AUTS2: variants seen among roughly 807,000 people sequenced by gnomAD.
The protein encoded by AUTS2 is autism susceptibility gene 2 protein.
A neutral mutation model predicts 112.4 loss-of-function variants in AUTS2; 17 were observed. That is an observed-to-expected ratio of 0.15 (90% CI 0.10 to 0.23). The LOEUF (loss-of-function observed/expected upper bound fraction) is 0.23. Ranked by LOEUF, AUTS2 falls within the 10% of genes least tolerant of loss-of-function variation. The probability of loss-of-function intolerance (pLI) is 1.00; values close to 1 mark genes in which losing one functional copy is unlikely to be tolerated. For synonymous variants in AUTS2, 751 were observed against 702.7 expected, an observed-to-expected ratio of 1.07 and a Z score of -1.09; for missense variants, 1,510 against 1,701.6, an observed-to-expected ratio of 0.89 and a Z score of 1.98.
rs7804419 is a variant in AUTS2, at chr7:70,776,308, T to A, written c.1933-795T>A. ...GGTAGATTACTTAGCAGAAATGAAG[T>A]GAAAAGGTGGTCCCTGCCCGCTGAC... On this transcript the variant is annotated intron_variant, in intron 13 of 18. Coordinates refer to ENST00000342771, the MANE Select transcript of AUTS2 (RefSeq NM_015570.4). Among the ~76,000 whole-genome samples the A allele has an allele frequency of 7.5e-3, 1,136 of 152,164 alleles. 12 individuals are homozygous for A. Among genetic ancestry groups the A allele is most frequent in the African/African-American group, 0.025 (1,051 of 41,518 alleles).
chr7:69,851,809 A>C (rs1436613049), intron 1 of AUTS2, among the ~76,000 whole-genome samples: 1 of 152,222 alleles, frequency 6.6e-6, no homozygotes, highest in Non-Finnish European at 1.5e-5. Context: ...TAGTATATTG[A>C]AATACAATTT....
intron 4 of AUTS2, among the ~76,000 whole-genome samples, chr7:70,369,802 G>A (rs915044732): frequency 3.3e-5 from 5 of 152,116 alleles, no homozygotes; most frequent in African/African-American, 1.2e-4. Flanking sequence ...AATAATCCAG[G>A]TATCTTCTCC....
chr7:70,148,609 T>G (rs974126668), intron 4 of AUTS2, among the ~76,000 whole-genome samples: 6 of 151,948 alleles, frequency 3.9e-5, no homozygotes, highest in African/African-American at 1.4e-4. Flanking sequence ...CTTAATTATT[T>G]TAAGTACCTG....
intron 1 of AUTS2, among the ~76,000 whole-genome samples, chr7:69,840,945 T>C (rs1221595305): frequency 6.6e-6 from 1 of 152,178 alleles, no homozygotes; most frequent in African/African-American, 2.4e-5. Context: ...GTTGAAAGCA[T>C]GTTGGGGAAC....
intron 1 of AUTS2, among the ~76,000 whole-genome samples, chr7:69,736,449 A>G (rs1214379004): frequency 6.6e-6 from 1 of 152,196 alleles, no homozygotes; most frequent in East Asian, 1.9e-4. Flanking sequence ...TATGGCCTAG[A>G]TTAATTGGGA....
At chr7:70,663,556 C>T (rs901828556) in intron 5 of AUTS2, among the ~76,000 whole-genome samples, 2 of 151,790 alleles carry the variant, frequency 1.3e-5, no homozygotes, top group Non-Finnish European at 2.9e-5. Flanking sequence ...TTAGGGACCC[C>T]GTTCTTTTCA....
chr7:70,390,244 C>G (rs1793793250), intron 4 of AUTS2, among the ~76,000 whole-genome samples: 2 of 152,186 alleles, frequency 1.3e-5, no homozygotes, highest in Non-Finnish European at 2.9e-5. Context: ...TCCGAATCCT[C>G]TGGTGGGCTT....
intron 4 of AUTS2, among the ~76,000 whole-genome samples, chr7:70,350,567 G>A (rs10280622): frequency 0.31 from 46,571 of 151,872 alleles, 7,745 homozygotes; most frequent in African/African-American, 0.44. Flanking sequence ...TATCACGAGA[G>A]CAGCACAGGA....
chr7:70,741,249 A>G (rs2129554117), intron 6 of AUTS2, among the ~76,000 whole-genome samples: 1 of 152,178 alleles, frequency 6.6e-6, no homozygotes, highest in African/African-American at 2.4e-5. Context: ...GTTTCCTTAA[A>G]ATCACCATGC....
intron 2 of AUTS2, among the ~76,000 whole-genome samples, chr7:70,108,806 A>T (rs975638559): frequency 7.3e-6 from 1 of 136,110 alleles, no homozygotes; most frequent in Admixed American, 7.6e-5. Context: ...AAAAAAAAAA[A>T]AAAAAAAATA....
chr7:70,054,882 T>C (rs979220546), intron 2 of AUTS2, among the ~76,000 whole-genome samples: 2 of 152,214 alleles, frequency 1.3e-5, no homozygotes, highest in African/African-American at 4.8e-5. Flanking sequence ...AGGAACTCTG[T>C]AATTCCAATC....
chr7:70,247,411 G>T (rs970594288), intron 4 of AUTS2, among the ~76,000 whole-genome samples: 2 of 152,066 alleles, frequency 1.3e-5, no homozygotes, highest in Non-Finnish European at 2.9e-5. Context: ...GTTTCAGTTT[G>T]GGAAGATGAA....
chr7:69,997,966 G>A (rs1799021867), intron 2 of AUTS2, among the ~76,000 whole-genome samples: 1 of 152,170 alleles, frequency 6.6e-6, no homozygotes, highest in Non-Finnish European at 1.5e-5. Context: ...GAATGCATTG[G>A]AAAGCAGGAG....
rs769318014 is a variant in AUTS2, at chr7:70,117,108, TTTTTTTTTG to T, written c.523-1015_523-1007del. On this transcript the variant is annotated intron_variant, in intron 2 of 18. Coordinates refer to ENST00000342771, the MANE Select transcript of AUTS2 (RefSeq NM_015570.4). Reference sequence around the variant, plus strand: ...AAACTTCATGAGATGACTTTTGTTTTTTTTTTTTGTTTTTTTTTGTTTTTTTTTGTTTTT... The same window carrying T: ...AAACTTCATGAGATGACTTTTGTTTTTTTTTTTTTGTTTTTTTTTGTTTTT... Among the ~76,000 whole-genome samples, 25 of 113,698 alleles carry T rather than the reference TTTTTTTTTG, an allele frequency of 2.2e-4. 1 individual carries two copies. The highest frequency in any genetic ancestry group is 4.0e-4 in the African/African-American group (11 of 27,224). 74.6% of individuals were successfully genotyped at this position (113,698 alleles called of 152,430 possible).
intron 1 of AUTS2, among the ~76,000 whole-genome samples, chr7:69,855,572 A>G (rs774164759): frequency 1.5e-4 from 23 of 152,180 alleles, no homozygotes; most frequent in Non-Finnish European, 2.2e-4. Flanking sequence ...AGTTTTCTCA[A>G]CTCAAGAGAG....
At chr7:69,650,377 G>A (rs1294648689) in intron 1 of AUTS2, among the ~76,000 whole-genome samples, 1 of 152,144 alleles carries the variant, frequency 6.6e-6, no homozygotes, top group Non-Finnish European at 1.5e-5. Context: ...GAATTGCCAG[G>A]AGCCTGTTAA....
intron 1 of AUTS2, among the ~76,000 whole-genome samples, chr7:69,738,736 G>A (rs1787142290): frequency 6.6e-6 from 1 of 152,070 alleles, no homozygotes; most frequent in African/African-American, 2.4e-5. Context: ...CGTGATTGAT[G>A]CCAGAATCAA....
intron 2 of AUTS2, among the ~76,000 whole-genome samples, chr7:70,053,550 T>TTTTTTTTTTTTTTTTTTTTTTTTTTTTG (rs1801856625): frequency 6.7e-6 from 1 of 149,788 alleles, no homozygotes; most frequent in Non-Finnish European, 1.5e-5. Context: ...GGTGGTTTTT[T>TTTTTTTTTTTTTTTTTTTTTTTTTTTTG]TTTTTTGGAG....
chr7:70,776,875 G>T, intron 13 of AUTS2: 1 of 571,258 alleles, frequency 1.8e-6, no homozygotes, highest in Non-Finnish European at 3.1e-6. Context: ...TTGTCAATGT[G>T]GTTTTCTGAG....
Sources: gnomAD v4.1 joint callset for allele counts (sites outside exome capture counted in the v4.1 genomes callset) on GRCh38, gnomAD v4.1.1 for gene constraint, MANE v1.5 for transcripts, NCBI Gene and HGNC (gene_info 2026-07-23, HGNC 2026-07-21) for gene names.